The following PLD1 variants were observed in gnomAD, a reference collection of about 807,000 sequenced individuals.
PLD1 encodes choline phosphatase 1.
PLD1 carries 112 observed loss-of-function variants against 137.1 expected under a neutral mutation model. The observed-to-expected ratio is 0.82, with a 90% CI of 0.70 to 0.96. The LOEUF is 0.96. Ranked by LOEUF, PLD1 falls within the 40% of genes least tolerant of loss-of-function variation. PLD1 has a pLI of 0.00. For synonymous variants in PLD1, 431 were observed against 454.7 expected (o/e 0.95, Z 0.66); for missense variants, 1,321 against 1,342.0 (o/e 0.98, Z 0.24).
chr3:171,641,364 C>G (rs1310384864), intron 23 of PLD1, among the ~76,000 whole-genome samples: 1 of 152,126 alleles, frequency 6.6e-6, no homozygotes, highest in East Asian at 1.9e-4. Flanking sequence ...TTATGTAGGA[C>G]TATATTTTTG....
chr3:171,634,819 A>G (rs962796939), intron 23 of PLD1, among the ~76,000 whole-genome samples: 4 of 152,124 alleles, frequency 2.6e-5, no homozygotes, highest in African/African-American at 7.2e-5. Flanking sequence ...TGTACAAATC[A>G]GTATGTTTTA....
At chr3:171,688,899 T>A in intron 13 of PLD1, 23 bp from the exon 14 acceptor site, 3 of 1,568,482 alleles carry the variant, frequency 1.9e-6, no homozygotes, top group Non-Finnish European at 2.6e-6. Flanking sequence ...TAATCCCCAC[T>A]GATAATATGC....
intron 1 of PLD1, chr3:171,765,315 C>A (rs1416708077): frequency 6.6e-6 from 1 of 152,162 alleles, no homozygotes; most frequent in Non-Finnish European, 1.5e-5. Flanking sequence ...AACATAGTAA[C>A]CAGATGTGTG....
chr3:171,686,041 T>C (rs1266422714), intron 16 of PLD1, among the ~76,000 whole-genome samples: 1 of 144,352 alleles, frequency 6.9e-6, no homozygotes, highest in Non-Finnish European at 1.5e-5. Context: ...GGAGAATCGC[T>C]AAAACCTGGG....
intron 5 of PLD1, 128 bp from the exon 6 acceptor site, chr3:171,733,637 T>C (rs1719121206): frequency 1.8e-6 from 1 of 549,806 alleles, no homozygotes. Context: ...TATTTATTAA[T>C]ATAATCATGG....
rs1388696189 is a variant in PLD1, at chr3:171,639,572, TA to T, written c.2593+3267del. On this transcript the variant is annotated intron_variant, in intron 23 of 26. Transcript: ENST00000351298. ...ATATTCATATAATATATATTATATA[TA>T]ATATATATTCATATAATATATATTC... 4.0e-3 allele frequency among the ~76,000 whole-genome samples: 362 copies of T among 90,282 alleles called. 7 individuals are homozygous for T. The highest frequency in any genetic ancestry group is 0.013 in the African/African-American group (260 of 20,658). The allele number at this position is 90,282 out of a possible 152,430, so 59.2% of individuals were successfully genotyped here. A position where few individuals can be genotyped will look rare whatever the true frequency, so the allele number is the denominator to read the frequency against.
chr3:171,711,952 G>C (rs542100923), intron 9 of PLD1, among the ~76,000 whole-genome samples: 5 of 152,078 alleles, frequency 3.3e-5, no homozygotes, highest in African/African-American at 9.7e-5. Flanking sequence ...GGAAAACAGA[G>C]TGTTGGAGCC....
In PLD1 at chr3:171,601,934, G is replaced by C. The variant is rs1731857012; in HGVS notation, c.*1144C>G. 6.6e-6 allele frequency: 1 copy of C among 152,202 alleles called. No homozygotes were observed. The highest frequency in any genetic ancestry group is 2.4e-5 in the African/African-American group (1 of 41,444). The allele number at this position is 152,202 out of a possible 1,614,324, so 9.4% of individuals were successfully genotyped here. ...GTAACTTCACTGGAAGCCCTGGTGA[G>C]AGGCGTTAATACATATTTAATAATG... On this transcript the variant is annotated 3_prime_UTR_variant, in exon 27 of 27. Transcript: ENST00000351298.
intron 21 of PLD1, among the ~76,000 whole-genome samples, chr3:171,658,650 AGGAAT>A (rs1037236465): frequency 1.6e-4 from 24 of 152,332 alleles, no homozygotes; most frequent in African/African-American, 5.5e-4. Context: ...TAAAAATAGA[AGGAAT>A]GGGTAATGAC....
intron 1 of PLD1, among the ~76,000 whole-genome samples, chr3:171,761,986 CTA>C (rs1721427517): frequency 6.6e-6 from 1 of 152,230 alleles, no homozygotes; most frequent in African/African-American, 2.4e-5. Context: ...ACTTTGGACT[CTA>C]TCTTCTTATC....
At chr3:171,754,725 C>A (rs1282616811) in intron 1 of PLD1, among the ~76,000 whole-genome samples, 1 of 152,156 alleles carries the variant, frequency 6.6e-6, no homozygotes, top group African/African-American at 2.4e-5. Context: ...TTCCATTTTT[C>A]TCCAGTGTGA....
intron 8 of PLD1, among the ~76,000 whole-genome samples, chr3:171,718,811 C>T (rs748129518): frequency 3.3e-5 from 5 of 152,212 alleles, no homozygotes; most frequent in Non-Finnish European, 7.3e-5. Context: ...ACAGCAACAT[C>T]TAGTTCATAA....
rs148653650 is a variant in PLD1, at chr3:171,724,777, A to G, written c.677T>C (p.Ile226Thr). 1.2e-6 allele frequency: 2 copies of G among 1,602,952 alleles called. No homozygotes were observed. Among genetic ancestry groups the G allele is most frequent in the Admixed American group, 1.7e-5 (1 of 59,986 alleles). ...TCTGTGTCCTCCAGATCTTTTCATT[A>G]TCATACCTTCTCTGAAAGAGACAGA... ...DLGPKGIEGM[I>T]MKRSGGHRIP... Residue 226 changes from isoleucine to threonine, a missense_variant, in exon 8 of 27, where the codon ATA becomes ACA. Physicochemically the swap from Ile to Thr is moderately conservative, Grantham distance 89. Transcript: ENST00000351298.
At chr3:171,726,215 T>A (rs1718494011) in intron 6 of PLD1, 139 bp from the exon 7 acceptor site, 1 of 634,120 alleles carries the variant, frequency 1.6e-6, no homozygotes. Flanking sequence ...ATAATGGCAT[T>A]GCACTAAAAG....
At chr3:171,810,120 G>T (rs1408513090) in intron 1 of PLD1, among the ~76,000 whole-genome samples, 1 of 152,264 alleles carries the variant, frequency 6.6e-6, no homozygotes, top group East Asian at 1.9e-4. Context: ...TTCAGCCTGA[G>T]CCTGCGCGGC....
chr3:171,649,904 C>T (rs1002661252), intron 21 of PLD1, among the ~76,000 whole-genome samples: 6 of 152,114 alleles, frequency 3.9e-5, no homozygotes, highest in African/African-American at 1.4e-4. Context: ...TAAAAATGAC[C>T]GCTATGAAGG....
intron 1 of PLD1, among the ~76,000 whole-genome samples, chr3:171,782,946 G>A (rs1481713020): frequency 6.6e-6 from 1 of 152,186 alleles, no homozygotes; most frequent in East Asian, 1.9e-4. Flanking sequence ...CCACTGGGGT[G>A]CAATGGATGT....
intron 13 of PLD1, among the ~76,000 whole-genome samples, chr3:171,690,078 G>A (rs543108379): frequency 6.6e-6 from 1 of 152,150 alleles, no homozygotes; most frequent in South Asian, 2.1e-4. Flanking sequence ...GTCTATTTAG[G>A]TTTTCTATTT....
At chr3:171,639,848 C>CTATATATATATATATATATA (rs148607591) in intron 23 of PLD1, among the ~76,000 whole-genome samples, 1 of 110,212 alleles carries the variant, frequency 9.1e-6, no homozygotes, top group African/African-American at 3.9e-5. Flanking sequence ...CTCTCTCTCT[C>CTATATATATATATATATATA]TATATATATA....
Sources: allele counts gnomAD v4.1 joint callset (sites outside exome capture counted in the v4.1 genomes callset), GRCh38; gene constraint gnomAD v4.1.1; transcripts MANE v1.5; gene names NCBI Gene and HGNC (gene_info 2026-07-23, HGNC 2026-07-21).